Variants in CENPW observed in about 807,000 individuals in gnomAD.
CENPW encodes the protein centromere protein W.
In CENPW, 3 loss-of-function variants were observed where a neutral mutation model predicts 11.1. The observed-to-expected ratio is 0.27, with a 90% confidence interval of 0.12 to 0.70. CENPW has a LOEUF of 0.70. Among genes scored for constraint, CENPW ranks in the 30% least tolerant of loss-of-function variants. The probability of loss-of-function intolerance (pLI) is 0.77; values close to 1 mark genes in which losing one functional copy is unlikely to be tolerated. For synonymous variants in CENPW, 38 were observed against 42.0 expected (o/e 0.91, Z 0.37); for missense variants, 100 against 105.6 (o/e 0.95, Z 0.23).
chr6:126,462,532 T>TCTCA, the CENPW span, among the ~76,000 whole-genome samples: 41 of 111,912 alleles, frequency 3.7e-4, no homozygotes, highest in South Asian at 1.1e-3. Flanking sequence ...TCTCTCTCTC[T>TCTCA]CACACACACA....
chr6:126,368,730 C>T, the CENPW span, among the ~76,000 whole-genome samples: 3 of 151,938 alleles, frequency 2.0e-5, no homozygotes, highest in East Asian at 5.8e-4. Context: ...CTGCAAGCTC[C>T]GCCTCCCGGG....
At chr6:126,452,326 CAG>C in the CENPW span, among the ~76,000 whole-genome samples, 2 of 151,074 alleles carry the variant, frequency 1.3e-5, no homozygotes, top group Non-Finnish European at 3.0e-5. Flanking sequence ...AATCATCGGA[CAG>C]AAATTTAAAC....
chr6:126,403,340 A>G, the CENPW span, among the ~76,000 whole-genome samples: 1 of 152,182 alleles, frequency 6.6e-6, no homozygotes, highest in Non-Finnish European at 1.5e-5. Context: ...TTGAAAGCTG[A>G]GATAAGCTGA....
chr6:126,463,520 C>A, the CENPW span, among the ~76,000 whole-genome samples: 2 of 151,522 alleles, frequency 1.3e-5, no homozygotes, highest in Non-Finnish European at 2.9e-5. Flanking sequence ...GTCAATAAAA[C>A]CAAAAGCTGA....
chr6:126,369,837 G>A, the CENPW span, among the ~76,000 whole-genome samples: 1 of 152,140 alleles, frequency 6.6e-6, no homozygotes, highest in African/African-American at 2.4e-5. Flanking sequence ...TCTTTGTCAT[G>A]AAGTATTTGC....
chr6:126,461,228 G>A, the CENPW span, among the ~76,000 whole-genome samples: 8 of 150,456 alleles, frequency 5.3e-5, no homozygotes, highest in Admixed American at 6.6e-5. Context: ...TAAGTCTCAT[G>A]AGATCCGATT....
the CENPW span, among the ~76,000 whole-genome samples, chr6:126,398,291 C>T: frequency 1.3e-5 from 2 of 152,116 alleles, no homozygotes; most frequent in Non-Finnish European, 2.9e-5. Flanking sequence ...GTTTTGTTTG[C>T]TGAAGCATCT....
At chr6:126,345,573 AT>A (rs1175987077) in intron 1 of CENPW, among the ~76,000 whole-genome samples, 2 of 151,978 alleles carry the variant, frequency 1.3e-5, no homozygotes, top group Non-Finnish European at 2.9e-5. Context: ...AGACTTTAAA[AT>A]TTTTCAGTCT....
chr6:126,340,807 T>G (rs1301038072), intron 1 of CENPW, among the ~76,000 whole-genome samples: 1 of 152,194 alleles, frequency 6.6e-6, no homozygotes, highest in African/African-American at 2.4e-5. Context: ...TTAGCTATTG[T>G]AAAAGGCATT....
chr6:126,390,892 C>T, the CENPW span, among the ~76,000 whole-genome samples: 1 of 151,914 alleles, frequency 6.6e-6, no homozygotes, highest in Non-Finnish European at 1.5e-5. Context: ...ACTTAGGTTG[C>T]TTCCAAATCT....
the CENPW span, among the ~76,000 whole-genome samples, chr6:126,464,626 A>T: frequency 2.0e-5 from 3 of 152,072 alleles, no homozygotes; most frequent in African/African-American, 7.2e-5. Flanking sequence ...GAACTTTTGG[A>T]CTTACACCAG....
In CENPW at chr6:126,340,142, C is replaced by G. The variant is rs1395956342; in HGVS notation, c.-132C>G. ...TCCGTTGGCGGCGGATTCGAACGTTCGGACTGAGGTTTTTCTGCCTGAAGA... is the reference window on the plus strand; with the variant it reads ...TCCGTTGGCGGCGGATTCGAACGTTGGGACTGAGGTTTTTCTGCCTGAAGA... On this transcript the variant is annotated 5_prime_UTR_variant, in exon 1 of 3. Coordinates refer to ENST00000368328, the MANE Select transcript of CENPW (RefSeq NM_001012507.4). The G allele has an allele frequency of 4.8e-6, 4 of 841,106 alleles. No homozygotes were observed. In the African/African-American group the frequency reaches 5.1e-5, roughly 11 times the overall value. 52.1% of individuals were successfully genotyped at this position (841,106 alleles called of 1,614,324 possible).
At chr6:126,344,404 A>G (rs1780369394) in intron 1 of CENPW, among the ~76,000 whole-genome samples, 1 of 152,212 alleles carries the variant, frequency 6.6e-6, no homozygotes, top group African/African-American at 2.4e-5. Context: ...GTGAGAGGTG[A>G]AACTAGATTC....
the CENPW span, among the ~76,000 whole-genome samples, chr6:126,368,889 C>T: frequency 6.6e-6 from 1 of 152,054 alleles, no homozygotes; most frequent in Non-Finnish European, 1.5e-5. Flanking sequence ...TCGTGATCCA[C>T]GTGACTCGCC....
chr6:126,438,610 A>G, the CENPW span, among the ~76,000 whole-genome samples: 1 of 151,700 alleles, frequency 6.6e-6, no homozygotes, highest in Admixed American at 6.6e-5. Context: ...CTGCTGTAAA[A>G]TAGCACAGTT....
the CENPW span, among the ~76,000 whole-genome samples, chr6:126,427,708 G>C: frequency 6.6e-5 from 10 of 152,170 alleles, no homozygotes; most frequent in African/African-American, 2.4e-4. Flanking sequence ...ATTTTTTAAT[G>C]TGCAACTAAC....
At chr6:126,463,931 G>T in the CENPW span, among the ~76,000 whole-genome samples, 5 of 151,834 alleles carry the variant, frequency 3.3e-5, no homozygotes, top group African/African-American at 1.2e-4. Flanking sequence ...CCTTTTAACA[G>T]AATTCTGGCC....
the CENPW span, among the ~76,000 whole-genome samples, chr6:126,456,241 G>A: frequency 6.6e-6 from 1 of 151,380 alleles, no homozygotes; most frequent in East Asian, 1.9e-4. Context: ...AGCTTGAATA[G>A]CCAAGGCATT....
the CENPW span, among the ~76,000 whole-genome samples, chr6:126,444,382 A>G: frequency 2.7e-5 from 4 of 148,820 alleles, no homozygotes; most frequent in African/African-American, 7.4e-5. Context: ...GTTTTTCTAT[A>G]CTCACTTTTA....
Sources: gnomAD v4.1 joint callset for allele counts (sites outside exome capture counted in the v4.1 genomes callset) on GRCh38, gnomAD v4.1.1 for gene constraint, MANE v1.5 for transcripts, NCBI Gene and HGNC (gene_info 2026-07-23, HGNC 2026-07-21) for gene names.